TP73: variants seen among roughly 807,000 people sequenced by gnomAD.
TP73 encodes p53-like transcription factor.
Under a neutral mutation model 62.5 loss-of-function variants are expected in TP73, and 25 were observed. The ratio of observed to expected loss-of-function variants is 0.40; its 90% CI spans 0.29 to 0.56. The LOEUF is 0.56. TP73 is among the 20% of genes least tolerant of loss of function. The pLI, the probability that TP73 is intolerant of heterozygous loss-of-function variation, is 0.46. For missense variants in TP73, 754 were observed against 913.3 expected (o/e 0.83, Z 2.25); for synonymous variants, 423 against 377.5 (o/e 1.12, Z -1.40).
intron 4 of TP73, among the ~76,000 whole-genome samples, chr1:3,714,036 A>G (rs1040712836): frequency 6.6e-5 from 10 of 152,156 alleles, no homozygotes; most frequent in African/African-American, 1.4e-4. Flanking sequence ...ATGCCACTGG[A>G]GCGAGGCACC....
chr1:3,721,438 G>C (rs1302491849), intron 4 of TP73, among the ~76,000 whole-genome samples: 2 of 152,242 alleles, frequency 1.3e-5, no homozygotes, highest in Non-Finnish European at 2.9e-5. Flanking sequence ...GGGTGTCAGA[G>C]TCACCAGGGC....
rs768481904 is a variant in TP73 at position 3,730,041 on chromosome 1, C to CCATGAACAAGGTGCACGGGGG, written c.1249_1269dup (p.Val417_Lys423dup). On this transcript the variant is annotated inframe_insertion, in exon 11 of 14. Coordinates refer to ENST00000378295, the MANE Select transcript of TP73 (RefSeq NM_005427.4). ...CCGTCCTACGGGCCGGTCCTCTCGC[C>CCATGAACAAGGTGCACGGGGG]CATGAACAAGGTGCACGGGGGCATG... 1.2e-6 allele frequency: 2 copies of CCATGAACAAGGTGCACGGGGG among 1,610,206 alleles called. No homozygotes were observed. The highest frequency in any genetic ancestry group is 1.1e-5 in the South Asian group (1 of 90,500).
chr1:3,730,719 C>T (rs76061588), intron 11 of TP73, among the ~76,000 whole-genome samples: 2,953 of 152,290 alleles, frequency 0.019, 106 homozygotes, highest in African/African-American at 0.067. Flanking sequence ...GCACGGTCAC[C>T]CCCGTCCCTA....
chr1:3,723,870 A>G (rs965810860), intron 6 of TP73, among the ~76,000 whole-genome samples: 1 of 152,166 alleles, frequency 6.6e-6, no homozygotes, highest in South Asian at 2.1e-4. Flanking sequence ...GCAGAACCAA[A>G]CCAGCAACAG....
Position 3,703,402 on chromosome 1 carries a change from G to A in TP73, c.187-4147G>A, listed in dbSNP as rs111917734. ...CCTGCCTGAGGAAGGCCCTGCTAAGGGAGCCTGCCTGGGGCCCTGGGCCAC... is the reference window on the plus strand; with the variant it reads ...CCTGCCTGAGGAAGGCCCTGCTAAGAGAGCCTGCCTGGGGCCCTGGGCCAC... On this transcript the variant is annotated intron_variant, in intron 3 of 13. Transcript: ENST00000378295. Among the ~76,000 whole-genome samples the A allele has an allele frequency of 5.3e-3, 806 of 152,308 alleles. 9 individuals carry two copies. Among genetic ancestry groups the A allele is most frequent in the African/African-American group, 0.018 (754 of 41,564 alleles).
intron 1 of TP73, among the ~76,000 whole-genome samples, chr1:3,653,133 C>A (rs549005292): frequency 3.9e-5 from 6 of 152,264 alleles, no homozygotes; most frequent in African/African-American, 1.4e-4. Context: ...GGCCAGGCCC[C>A]CCTCTGGACA....
Position 3,666,076 on chromosome 1 carries a change from A to C in TP73, c.-34+13435A>C, listed in dbSNP as rs554702508. The stretch of plus-strand genomic sequence containing the variant: ...GAGGCGGAGTTTGTGGTGAGCTGAG[A>C]TCGCACCATTGTACTCCAGCCTGGG... On this transcript the variant is annotated intron_variant, in intron 1 of 13. Coordinates refer to ENST00000378295, the MANE Select transcript of TP73 (RefSeq NM_005427.4). This position sits in a 1 kb window ranked among gnomAD's most constrained non-coding sequence, Gnocchi z 6.4. Among the ~76,000 whole-genome samples the C allele has an allele frequency of 7.6e-5, 11 of 144,594 alleles. No homozygotes were observed. The highest frequency in any genetic ancestry group is 4.4e-4 in the South Asian group (2 of 4,522). The allele number at this position is 144,594 out of a possible 152,430, so 94.9% of individuals were successfully genotyped here. A position where few individuals can be genotyped will look rare whatever the true frequency, so the allele number is the denominator to read the frequency against.
At chr1:3,727,845 C>T (rs771828417) in intron 8 of TP73, 75 bp downstream of exon 8, 11 of 1,455,018 alleles carry the variant, frequency 7.6e-6, no homozygotes, top group African/African-American at 2.8e-5. Context: ...AATGTGAGCC[C>T]GCGTCCCAGG....
At chr1:3,704,291 T>C (rs1373821808) in intron 3 of TP73, among the ~76,000 whole-genome samples, 1 of 152,158 alleles carries the variant, frequency 6.6e-6, no homozygotes, top group South Asian at 2.1e-4. Context: ...CTGTAATCAG[T>C]AGGAAATGGT....
chr1:3,728,937 A>T (rs1371519130), intron 9 of TP73, among the ~76,000 whole-genome samples: 3 of 152,198 alleles, frequency 2.0e-5, no homozygotes, highest in Non-Finnish European at 4.4e-5. Flanking sequence ...GCAGCGAGCT[A>T]TGATGATGCC....
In TP73 at chr1:3,688,738, C is replaced by T. The variant is rs567535552; in HGVS notation, c.186+5558C>T. 1.1e-4 allele frequency among the ~76,000 whole-genome samples: 16 copies of T among 152,292 alleles called. No homozygotes were observed. In the East Asian group the frequency reaches 2.5e-3, roughly 24 times the overall value. On this transcript the variant is annotated intron_variant, in intron 3 of 13. Transcript: ENST00000378295. ...GTTTTGGGTGCTTTTGAGTTGGAAACGTGTAGCTCAGCCGCACTGGGATCC... is the reference window on the plus strand; with the variant it reads ...GTTTTGGGTGCTTTTGAGTTGGAAATGTGTAGCTCAGCCGCACTGGGATCC...
At chr1:3,698,068 G>A (rs1171349444) in intron 3 of TP73, 1 of 985,492 alleles carries the variant, frequency 1.0e-6, no homozygotes, top group Non-Finnish European at 1.2e-6. Context: ...AAGGTGTCCA[G>A]GAAGCCCTGC....
intron 1 of TP73, among the ~76,000 whole-genome samples, chr1:3,674,033 T>A (rs1468508518): frequency 6.6e-6 from 1 of 152,152 alleles, no homozygotes. Flanking sequence ...TGTGCATGTC[T>A]CCTGGTTGGT....
chr1:3,694,602 G>A (rs368032897), intron 3 of TP73, among the ~76,000 whole-genome samples: 1 of 4,264 alleles, frequency 2.3e-4, no homozygotes, highest in African/African-American at 5.8e-4. Flanking sequence ...CCCTCCTCCC[G>A]CAATCCCAGC....
At chr1:3,707,515 G>T in intron 3 of TP73, 34 bp from the exon 4 acceptor site, 1 of 1,589,574 alleles carries the variant, frequency 6.3e-7, no homozygotes, top group South Asian at 1.1e-5. Flanking sequence ...GACTGTGTGT[G>T]TTTCCCCCTC....
At position 3,718,467 on chromosome 1, in the gene TP73, C is replaced by G. The variant is rs567767393; in HGVS notation, c.430-3554C>G. ...GCTGAGAGGCCGCTGCCTAGGTCTG[C>G]GAAATGGGAGCACTGCTGACCCTGA... On this transcript the variant is annotated intron_variant, in intron 4 of 13. Transcript: ENST00000378295. 2.7e-4 allele frequency among the ~76,000 whole-genome samples: 41 copies of G among 152,208 alleles called. No homozygotes were observed. In the East Asian group the frequency reaches 8.0e-3, roughly 30 times the overall value.
chr1:3,681,784 C>T (rs1334533788), intron 1 of TP73, among the ~76,000 whole-genome samples: 3 of 152,152 alleles, frequency 2.0e-5, no homozygotes, highest in Non-Finnish European at 4.4e-5. Context: ...GAGCCACCTC[C>T]AGGTCCCGGG....
At position 3,692,209 on chromosome 1, in the gene TP73, A is replaced by T. The variant is rs1645860441; in HGVS notation, c.186+9029A>T. ...CACGTGTGTCCGTATGTGTGTTGCGATGGATACATGGATGTCTGTGCCTGT... is the reference window on the plus strand; with the variant it reads ...CACGTGTGTCCGTATGTGTGTTGCGTTGGATACATGGATGTCTGTGCCTGT... On this transcript the variant is annotated intron_variant, in intron 3 of 13. Transcript: ENST00000378295. 2.0e-5 allele frequency among the ~76,000 whole-genome samples: 3 copies of T among 152,100 alleles called. No homozygotes were observed. In the South Asian group the frequency reaches 6.2e-4, roughly 32 times the overall value.
At chr1:3,706,767 G>T (rs1639691197) in intron 3 of TP73, among the ~76,000 whole-genome samples, 1 of 152,124 alleles carries the variant, frequency 6.6e-6, no homozygotes, top group South Asian at 2.1e-4. Flanking sequence ...GGGCGCCACA[G>T]ACGGTGGCGC....
Sources: gnomAD v4.1 joint callset for allele counts (sites outside exome capture counted in the v4.1 genomes callset) on GRCh38, gnomAD v4.1.1 for gene constraint, Gnocchi (gnomAD v3.1) non-coding constraint, MANE v1.5 for transcripts, NCBI Gene and HGNC (gene_info 2026-07-23, HGNC 2026-07-21) for gene names.